COL4A2: variants seen among roughly 807,000 people sequenced by gnomAD.
COL4A2 encodes the protein collagen alpha-2(IV) chain.
Under a neutral mutation model 200.2 loss-of-function variants are expected in COL4A2, and 99 were observed. The observed-to-expected ratio is 0.49, with a 90% CI of 0.42 to 0.58. The LOEUF (loss-of-function observed/expected upper bound fraction) is 0.58, where lower values mean the gene tolerates loss of function less well. Among genes scored for constraint, COL4A2 ranks in the 20% least tolerant of loss-of-function variants. The pLI is 0.00. For synonymous variants in COL4A2, 897 were observed against 900.6 expected, an observed-to-expected ratio of 1.00 and a Z score of 0.07; for missense variants, 1,950 against 2,314.1, an observed-to-expected ratio of 0.84 and a Z score of 3.23.
chr13:110,495,020 G>A (rs1883408096), intron 39 of COL4A2, among the ~76,000 whole-genome samples: 1 of 152,282 alleles, frequency 6.6e-6, no homozygotes, highest in Admixed American at 6.5e-5. Flanking sequence ...ATTAAGCATA[G>A]CCTGAAGAGA....
chr13:110,321,812 G>A (rs1486238934), intron 3 of COL4A2, among the ~76,000 whole-genome samples: 1 of 152,160 alleles, frequency 6.6e-6, no homozygotes, highest in Non-Finnish European at 1.5e-5. Context: ...TACCAGCAGG[G>A]GAAATGTCAG....
Position 110,504,191 on chromosome 13 carries a change from T to C in COL4A2, c.4329T>C (p.Gly1443=). 1 of 1,613,692 alleles carries C rather than the reference T, an allele frequency of 6.2e-7. No homozygotes were observed. The highest frequency in any genetic ancestry group is 8.5e-7 in the Non-Finnish European group (1 of 1,179,926). Residue 1443 remains glycine, a synonymous_variant, in exon 45 of 48, where the codon GGT becomes GGC. Transcript: ENST00000360467. ...APGKAGPQGR[G]GVSAVPGFRG... ...GGAAAGCTGGGCCCCAAGGAAGAGGTGGTGTGTCTGCTGTTCCCGGCTTCC... is the reference window on the plus strand; with the variant it reads ...GGAAAGCTGGGCCCCAAGGAAGAGGCGGTGTGTCTGCTGTTCCCGGCTTCC...
At chr13:110,460,390 G>A (rs139033878) in intron 22 of COL4A2, among the ~76,000 whole-genome samples, 108 of 152,310 alleles carry the variant, frequency 7.1e-4, no homozygotes, top group Admixed American at 2.8e-3. Context: ...AAAAGGATGC[G>A]ATCTCTGAAT....
At chr13:110,393,208 T>C (rs1879053753) in intron 4 of COL4A2, among the ~76,000 whole-genome samples, 1 of 152,188 alleles carries the variant, frequency 6.6e-6, no homozygotes, top group African/African-American at 2.4e-5. Flanking sequence ...TAAGGTAAAA[T>C]TGAGCTCTTT....
intron 3 of COL4A2, among the ~76,000 whole-genome samples, chr13:110,319,501 A>G (rs1885226508): frequency 6.6e-6 from 1 of 152,200 alleles, no homozygotes; most frequent in Non-Finnish European, 1.5e-5. Flanking sequence ...TTGAGAGAGC[A>G]GAAAGATTCC....
chr13:110,489,867 A>G (rs1883228871), intron 36 of COL4A2, 82 bp downstream of exon 36: 8 of 1,429,264 alleles, frequency 5.6e-6, no homozygotes, highest in Non-Finnish European at 6.7e-6. Flanking sequence ...CAAACAGATC[A>G]AATTCAGTAA....
chr13:110,426,688 G>C (rs1880481710), intron 6 of COL4A2, among the ~76,000 whole-genome samples: 1 of 152,214 alleles, frequency 6.6e-6, no homozygotes, highest in South Asian at 2.1e-4. Flanking sequence ...CACAATTTCA[G>C]ACTCAGATTA....
intron 3 of COL4A2, among the ~76,000 whole-genome samples, chr13:110,315,543 G>C (rs1437549558): frequency 2.0e-5 from 3 of 152,102 alleles, no homozygotes; most frequent in African/African-American, 7.2e-5. Flanking sequence ...TTACAGGCAC[G>C]AGTCACCATT....
intron 22 of COL4A2, among the ~76,000 whole-genome samples, chr13:110,460,952 A>G (rs1882002947): frequency 2.0e-5 from 3 of 152,238 alleles, no homozygotes; most frequent in South Asian, 2.1e-4. Context: ...GAAACTCCCA[A>G]TTACTTTCAA....
chr13:110,446,354 G>A (rs9670662), intron 17 of COL4A2, among the ~76,000 whole-genome samples: 56,914 of 151,990 alleles, frequency 0.37, 11,442 homozygotes, highest in South Asian at 0.49. Flanking sequence ...AGCCGGGTGA[G>A]GCTCAAAGAG....
chr13:110,331,906 T>G (rs1442250641), intron 3 of COL4A2, among the ~76,000 whole-genome samples: 1 of 152,226 alleles, frequency 6.6e-6, no homozygotes, highest in Non-Finnish European at 1.5e-5. Flanking sequence ...GTCGCCCATT[T>G]GGTTACCTGT....
chr13:110,373,575 G>A (rs1252871349), intron 4 of COL4A2, among the ~76,000 whole-genome samples: 1 of 152,202 alleles, frequency 6.6e-6, no homozygotes, highest in Admixed American at 6.5e-5. Flanking sequence ...CTCATGTGTG[G>A]CTTATTCACA....
At chr13:110,503,342 C>A in intron 42 of COL4A2, 41 bp from the exon 43 acceptor site, 1 of 1,588,092 alleles carries the variant, frequency 6.3e-7, no homozygotes, top group South Asian at 1.1e-5. Flanking sequence ...AGCCCCCTCC[C>A]CACAGACTTT....
intron 21 of COL4A2, chr13:110,457,950 A>G (rs56074009): frequency 0.18 from 69,352 of 390,132 alleles, 7,079 homozygotes; most frequent in Middle Eastern, 0.35. Flanking sequence ...TTTGCACCTG[A>G]CCCTTTCCAG....
At chr13:110,488,813 T>G (rs1883191988) in intron 34 of COL4A2, among the ~76,000 whole-genome samples, 1 of 152,286 alleles carries the variant, frequency 6.6e-6, no homozygotes, top group South Asian at 2.1e-4. Flanking sequence ...GGAGCGAGGA[T>G]GTAGTCAGAG....
intron 3 of COL4A2, among the ~76,000 whole-genome samples, chr13:110,319,533 C>T (rs9555687): frequency 0.24 from 36,084 of 152,004 alleles, 4,948 homozygotes; most frequent in Non-Finnish European, 0.3. Context: ...TTCCTAGCAG[C>T]GCAACTACTT....
chr13:110,442,027 A>G (rs1881144333), intron 16 of COL4A2, among the ~76,000 whole-genome samples: 1 of 136,652 alleles, frequency 7.3e-6, no homozygotes, highest in Non-Finnish European at 1.5e-5. Context: ...CAGAGGTTGC[A>G]GTGAGCCAAG....
intron 20 of COL4A2, chr13:110,456,810 G>A (rs28502737): frequency 0.53 from 230,342 of 435,696 alleles, 64,790 homozygotes; most frequent in Middle Eastern, 0.68. Context: ...CCATGGTGCC[G>A]ATGCCCTGCG....
intron 28 of COL4A2, among the ~76,000 whole-genome samples, chr13:110,469,835 G>A (rs1048984653): frequency 5.3e-5 from 8 of 150,988 alleles, no homozygotes; most frequent in African/African-American, 2.0e-4. Context: ...AGACATAGGT[G>A]TCTTGCAGTT....
Sources: allele counts gnomAD v4.1 joint callset (sites outside exome capture counted in the v4.1 genomes callset), GRCh38; gene constraint gnomAD v4.1.1; transcripts MANE v1.5; gene names NCBI Gene and HGNC (gene_info 2026-07-23, HGNC 2026-07-21).